Variants in CRYBG2 observed in about 807,000 individuals in gnomAD.
CRYBG2 encodes the protein crystallin beta-gamma domain containing 2.
A neutral mutation model predicts 153.4 loss-of-function variants in CRYBG2; 106 were observed. The ratio of observed to expected loss-of-function variants is 0.69; its 90% CI spans 0.59 to 0.81. CRYBG2 has a LOEUF of 0.81. Ranked by LOEUF, CRYBG2 falls within the 30% of genes least tolerant of loss-of-function variation. CRYBG2 has a pLI of 0.00. For synonymous variants in CRYBG2, 851 were observed against 877.8 expected, an observed-to-expected ratio of 0.97 and a Z score of 0.54; for missense variants, 1,996 against 2,112.0, an observed-to-expected ratio of 0.95 and a Z score of 1.08.
chr1:26,336,645 A>G lies in CRYBG2; in HGVS notation c.3999T>C (p.Ala1333=). ...GCAGCGAGGCGAGGGTGCTGTTGCC[A>G]GCGCCCCAGTCCTCGCAGTTACGAT... is the stretch of plus-strand genomic sequence containing the variant. The part of the protein sequence containing the change: ...GVYRNCEDWG[A]GNSTLASLQP... The change falls in exon 12 of 20, where the codon GCT becomes GCC. Residue 1333 remains alanine (A), a synonymous_variant. Transcript: ENST00000308182. This position sits in a 1 kb window ranked among gnomAD's most constrained non-coding sequence, Gnocchi z 4.9. 6.4e-7 allele frequency: 1 copy of G among 1,551,144 alleles called. No individual in the cohort carries two copies. Among genetic ancestry groups the G allele is most frequent in the Non-Finnish European group, 8.7e-7 (1 of 1,147,084 alleles).
intron 17 of CRYBG2, among the ~76,000 whole-genome samples, chr1:26,327,517 C>A (rs193066310): frequency 4.8e-4 from 73 of 151,722 alleles, no homozygotes; most frequent in African/African-American, 1.6e-3. Context: ...GATGTGGTGG[C>A]ACATACTTGT....
Position 26,337,283 on chromosome 1 carries a change from CTCG to C in CRYBG2, c.3738_3740del (p.Asp1246del). ...GGATGACCCGGAGGGAGGTCAGCAA[CTCG>C]TCATAGCCTCCCCAGTGTGACCAGT... On this transcript the variant is annotated inframe_deletion, in exon 10 of 20. Transcript: ENST00000308182. 1 of 1,614,100 alleles carries C rather than the reference CTCG, an allele frequency of 6.2e-7. No homozygotes were observed.
rs1466298650 is a variant in CRYBG2 at position 26,337,286 on chromosome 1, G to A, written c.3738C>T (p.Asp1246=). 1.9e-6 allele frequency: 3 copies of A among 1,614,062 alleles called. No homozygotes were observed. Among genetic ancestry groups the A allele is most frequent in the South Asian group, 1.1e-5 (1 of 91,078 alleles). Residue 1246 remains aspartate, a synonymous_variant, in exon 10 of 20, where the codon GAC becomes GAT. Coordinates refer to ENST00000308182, the MANE Select transcript of CRYBG2 (RefSeq NM_001039775.4). ...TGACCCGGAGGGAGGTCAGCAACTC[G>A]TCATAGCCTCCCCAGTGTGACCAGT... ...YPDWSHWGGY[D]ELLTSLRVIR...
At chr1:26,338,530 C>A in intron 6 of CRYBG2, 53 bp from the exon 7 acceptor site, 1 of 1,513,528 alleles carries the variant, frequency 6.6e-7, no homozygotes, top group Non-Finnish European at 8.8e-7. Context: ...TCAAGGGACA[C>A]AGATTGGTGG....
intron 1 of CRYBG2, among the ~76,000 whole-genome samples, chr1:26,350,855 A>G (rs920291615): frequency 2.0e-5 from 3 of 151,990 alleles, no homozygotes; most frequent in East Asian, 3.8e-4. Context: ...GACTCTGGGC[A>G]GGAAATGGAC....
chr1:26,326,540 CAAAA>C (rs140765637), intron 17 of CRYBG2: 15 of 103,188 alleles, frequency 1.5e-4, no homozygotes, highest in South Asian at 4.5e-4. Flanking sequence ...GACTCTGTCT[CAAAA>C]AAAAAAAAAA....
At position 26,339,276 on chromosome 1, in the gene CRYBG2, T is replaced by G. The variant is rs1451991324; in HGVS notation, c.3344+14A>C. The G allele has an allele frequency of 2.5e-6, 4 of 1,609,360 alleles. No homozygotes were observed. The highest frequency in any genetic ancestry group is 1.7e-5 in the Admixed American group (1 of 58,772). The stretch of plus-strand genomic sequence containing the variant: ...AATGTCAAATGAGGGGATTCTAGAA[T>G]AGACCAGACTCACAGTCCTGCAGAG... On this transcript the variant is annotated intron_variant, in intron 6 of 19. Transcript: ENST00000308182.
rs1009597718 is a variant in CRYBG2 at position 26,325,797 on chromosome 1, T to A, written c.4579-1487A>T. On this transcript the variant is annotated intron_variant, in intron 17 of 19. Transcript: ENST00000308182. This position sits in a 1 kb window ranked among gnomAD's most constrained non-coding sequence, Gnocchi z 4.1. Reference sequence around the variant, plus strand: ...CATTAATGATACTGATGTTCAGACATGCAGGCACGGACATACAGAAACACA... The same window carrying A: ...CATTAATGATACTGATGTTCAGACAAGCAGGCACGGACATACAGAAACACA... 3.9e-5 allele frequency among the ~76,000 whole-genome samples: 6 copies of A among 152,178 alleles called. No individual in the cohort carries two copies. Among genetic ancestry groups the A allele is most frequent in the Non-Finnish European group, 7.4e-5 (5 of 68,026 alleles).
chr1:26,345,384 G>A lies in CRYBG2; in HGVS notation c.1274C>T (p.Thr425Ile). The change falls in exon 2 of 20, where the codon ACA (threonine) becomes ATA (isoleucine). Residue 425 changes from threonine to isoleucine, a missense_variant. By Grantham distance (89) the Thr-to-Ile change is moderately conservative. Coordinates refer to ENST00000308182, the MANE Select transcript of CRYBG2 (RefSeq NM_001039775.4). ...VPGQPPAPSTTRRKDVPSPGG... is the reference protein window; with the variant it reads ...VPGQPPAPSTIRRKDVPSPGG... ...TGGGCTGGGGACATCCTTCCTTCTT[G>A]TAGTGGATGGAGCAGGAGGTTGTCC... The A allele has an allele frequency of 6.2e-7, 1 of 1,613,218 alleles. No individual in the cohort carries two copies. The highest frequency in any genetic ancestry group is 8.5e-7 in the Non-Finnish European group (1 of 1,179,816).
At chr1:26,339,682 G>C (rs1192255878) in intron 5 of CRYBG2, among the ~76,000 whole-genome samples, 1 of 151,818 alleles carries the variant, frequency 6.6e-6, no homozygotes, top group Non-Finnish European at 1.5e-5. Context: ...GTTGCGGTGA[G>C]CCGAGATCAT....
chr1:26,344,611 G>T lies in CRYBG2; in HGVS notation c.2047C>A (p.Gln683Lys). The T allele has an allele frequency of 1.3e-6, 2 of 1,536,356 alleles. No individual in the cohort carries two copies. Among genetic ancestry groups the T allele is most frequent in the Non-Finnish European group, 1.7e-6 (2 of 1,146,896 alleles). ...GAGATGGGGCTCCCTTCAGAGTCCT[G>T]GACCCCCTTATCCTGTTTGGGGAGT... ...TSLPKQDKGV[Q>K]DSEGSPISSL... The change falls in exon 2 of 20, where the codon CAG (glutamine) becomes AAG (lysine). Residue 683 changes from glutamine to lysine, a missense_variant. Transcript: ENST00000308182.
Position 26,345,549 on chromosome 1 carries a change from G to A in CRYBG2, c.1109C>T (p.Ala370Val). Reference protein sequence around the residue: ...HVPSPGLTHPAKQPVVPTHPG... With the variant: ...HVPSPGLTHPVKQPVVPTHPG... ...GTGAGTGGGCACCACAGGCTGCTTT[G>A]CAGGGTGAGTTAGGCCAGGAGAGGG... The change falls in exon 2 of 20, where the codon GCA becomes GTA. Residue 370 changes from alanine (A) to valine (V), a missense_variant. Ala to Val is a moderately conservative substitution (Grantham distance 64, BLOSUM62 0). Coordinates refer to ENST00000308182, the MANE Select transcript of CRYBG2 (RefSeq NM_001039775.4). The A allele has an allele frequency of 6.2e-7, 1 of 1,604,482 alleles. No homozygotes were observed. Among genetic ancestry groups the A allele is most frequent in the East Asian group, 2.2e-5 (1 of 44,726 alleles).
Position 26,345,880 on chromosome 1 carries a change from C to T in CRYBG2, c.778G>A (p.Gly260Arg), listed in dbSNP as rs761049650. 67 of 1,597,290 alleles carry T rather than the reference C, an allele frequency of 4.2e-5. No individual in the cohort carries two copies. In the East Asian group the frequency reaches 8.5e-4, roughly 20 times the overall value. The change falls in exon 2 of 20, where the codon GGG becomes AGG. Residue 260 changes from glycine (G) to arginine (R), a missense_variant. By Grantham distance (125) the Gly-to-Arg change is moderately radical. Coordinates refer to ENST00000308182, the MANE Select transcript of CRYBG2 (RefSeq NM_001039775.4). ...CTGCCCAGACCTGTGCTCCTTGGCC[C>T]GCCAGCCGTGGGCCTGGGCAGGTGA... ...ASHLPRPTAGGPRSTGLGSTV... is the reference protein window; with the variant it reads ...ASHLPRPTAGRPRSTGLGSTV...
At chr1:26,323,102 A>G (rs2073879306) in intron 18 of CRYBG2, among the ~76,000 whole-genome samples, 1 of 145,760 alleles carries the variant, frequency 6.9e-6, no homozygotes, top group South Asian at 2.1e-4. Context: ...TTTTTTTGAG[A>G]CAGAGTCTCC....
At position 26,337,585 on chromosome 1, in the gene CRYBG2, C is replaced by T; in HGVS notation, c.3597G>A (p.Gln1199=). The T allele has an allele frequency of 6.2e-7, 1 of 1,613,278 alleles. No individual in the cohort carries two copies. Among genetic ancestry groups the T allele is most frequent in the African/African-American group, 1.3e-5 (1 of 75,002 alleles). ...IYNLQQPEDS[Q]SPHLASVGSL... is the part of the protein sequence containing the mutation. ...ACCCCACAGAGGCCAGGTGGGGGCT[C>T]TGGCTGTCCTCTGGCTGCTGAAGGT... The change falls in exon 9 of 20, where the codon CAG becomes CAA. Residue 1199 remains glutamine, a synonymous_variant. Coordinates refer to ENST00000308182, the MANE Select transcript of CRYBG2 (RefSeq NM_001039775.4).
At chr1:26,341,684 A>G (rs1440180950) in intron 5 of CRYBG2, among the ~76,000 whole-genome samples, 1 of 152,032 alleles carries the variant, frequency 6.6e-6, no homozygotes, top group Non-Finnish European at 1.5e-5. Flanking sequence ...ACAGGGTTTC[A>G]CCACGTTGGC....
At chr1:26,322,101 G>C in intron 19 of CRYBG2, 45 bp from the exon 20 acceptor site, 1 of 1,598,936 alleles carries the variant, frequency 6.3e-7, no homozygotes, top group Non-Finnish European at 8.6e-7. Flanking sequence ...TAGTCAGAGA[G>C]AGCTGGGACT....
chr1:26,343,109 C>A lies in CRYBG2; in HGVS notation c.3012G>T (p.Trp1004Cys). Residue 1004 changes from tryptophan (W) to cysteine (C), a missense_variant, in exon 4 of 20, where the codon TGG becomes TGT. By Grantham distance (215) the Trp-to-Cys change is radical. Transcript: ENST00000308182. The surrounding 1 kb of genome is among the most constrained non-coding windows in gnomAD (Gnocchi z 4.1). ...AGCCTGAGGCATCAACGATGTCTCCCCAGACCTCCCTGCCACTGCCTTGGC... is the reference window on the plus strand; with the variant it reads ...AGCCTGAGGCATCAACGATGTCTCCACAGACCTCCCTGCCACTGCCTTGGC... ...SGCQGSGREV[W>C]GDIVDASGWA... The A allele has an allele frequency of 6.4e-7, 1 of 1,550,420 alleles. No individual in the cohort carries two copies. The highest frequency in any genetic ancestry group is 8.7e-7 in the Non-Finnish European group (1 of 1,146,970).
intron 1 of CRYBG2, among the ~76,000 whole-genome samples, chr1:26,349,211 T>C (rs1414692427): frequency 1.3e-5 from 2 of 152,108 alleles, no homozygotes; most frequent in African/African-American, 4.8e-5. Context: ...TGGAGCCCCT[T>C]GGCTCCGTTA....
Sources: gnomAD v4.1 joint callset for allele counts (sites outside exome capture counted in the v4.1 genomes callset) on GRCh38, gnomAD v4.1.1 for gene constraint, Gnocchi (gnomAD v3.1) non-coding constraint, MANE v1.5 for transcripts, NCBI Gene and HGNC (gene_info 2026-07-23, HGNC 2026-07-21) for gene names.